AEBP2: variants seen among roughly 807,000 people sequenced by gnomAD.
The protein encoded by AEBP2 is AE binding protein 2.
In AEBP2, 10 loss-of-function variants were observed where a neutral mutation model predicts 50.8. The ratio of observed to expected loss-of-function variants is 0.20; its 90% confidence interval spans 0.12 to 0.33. The LOEUF (loss-of-function observed/expected upper bound fraction) is 0.33. Ranked by LOEUF, AEBP2 falls within the 10% of genes least tolerant of loss-of-function variation. AEBP2 has a pLI of 1.00. For missense variants in AEBP2, 570 were observed against 688.0 expected, an observed-to-expected ratio of 0.83 and a Z score of 1.92; for synonymous variants, 296 against 261.3, an observed-to-expected ratio of 1.13 and a Z score of -1.28.
At chr12:19,426,085 A>C (rs1471922852) in intron 1 of AEBP2, among the ~76,000 whole-genome samples, 2 of 151,992 alleles carry the variant, frequency 1.3e-5, no homozygotes, top group African/African-American at 2.4e-5. Flanking sequence ...ACAGGCGTGC[A>C]CCACCACAAC....
Position 19,520,420 on chromosome 12 carries a change from A to G in AEBP2, c.*2303A>G, listed in dbSNP as rs540813018. On this transcript the variant is annotated 3_prime_UTR_variant, in exon 8 of 8. Coordinates refer to ENST00000266508, the MANE Select transcript of AEBP2 (RefSeq NM_153207.5). Reference sequence around the variant, plus strand: ...TCATAATCCTTTTGCTGCTTATCTGATGTTGGTTTGATACTGTTAACACAC... The same window carrying G: ...TCATAATCCTTTTGCTGCTTATCTGGTGTTGGTTTGATACTGTTAACACAC... 35 of 152,272 alleles carry G rather than the reference A, an allele frequency of 2.3e-4. No homozygotes were observed. In the South Asian group the frequency reaches 2.7e-3, roughly 12 times the overall value. The allele number at this position is 152,272 out of a possible 1,614,324, so 9.4% of individuals were successfully genotyped here. A position where few individuals can be genotyped will look rare whatever the true frequency, so the allele number is the denominator to read the frequency against.
chr12:19,411,586 A>G (rs1187244755), intron 1 of AEBP2, among the ~76,000 whole-genome samples: 2 of 152,360 alleles, frequency 1.3e-5, no homozygotes, highest in African/African-American at 2.4e-5. Context: ...GAGTTAATCC[A>G]TGTAAAGTTC....
chr12:19,478,284 T>A (rs1948679865), intron 3 of AEBP2, among the ~76,000 whole-genome samples: 5 of 152,174 alleles, frequency 3.3e-5, no homozygotes, highest in Non-Finnish European at 7.4e-5. Context: ...GATTGCCTAT[T>A]TGTGACCTTT....
In AEBP2 at chr12:19,413,596, A is replaced by G. The variant is rs927323589; in HGVS notation, c.-17+9380A>G. On this transcript the variant is annotated intron_variant, in intron 1 of 3. Coordinates refer to the AEBP2 transcript ENST00000538425. ...TTGTTATGCAAAATAAAAAAAAAGA[A>G]ATAAAAGAATGGCTATTCCATAGAC... 36 of 594,286 alleles carry G rather than the reference A, an allele frequency of 6.1e-5. No individual in the cohort carries two copies. The African/African-American group carries it at 6.6e-4, about 11-fold the overall frequency. The allele number at this position is 594,286 out of a possible 1,614,324, so 36.8% of individuals were successfully genotyped here. A position where few individuals can be genotyped will look rare whatever the true frequency, so the allele number is the denominator to read the frequency against.
In AEBP2 at chr12:19,409,350, T is replaced by TA. The variant is rs11291593; in HGVS notation, c.-17+5149dup. On this transcript the variant is annotated intron_variant, in intron 1 of 3. Transcript: ENST00000538425. ...AACTTTCTGCCTTCAGCATTTGTGC[T>TA]AAAAAAAAAAAAAAATCCCTATTGC... Among the ~76,000 whole-genome samples, 1,228 of 147,202 alleles carry TA rather than the reference T, an allele frequency of 8.3e-3. 16 individuals are homozygous for TA. Among genetic ancestry groups the TA allele is most frequent in the African/African-American group, 0.027 (1,092 of 40,182 alleles).
At chr12:19,432,798 A>C (rs117602089) in intron 1 of AEBP2, among the ~76,000 whole-genome samples, 3,399 of 152,172 alleles carry the variant, frequency 0.022, 46 homozygotes, top group East Asian at 0.042. Flanking sequence ...AGAGGATTTG[A>C]CTTAGTGAGA....
chr12:19,470,405 C>G (rs147107300), intron 2 of AEBP2, among the ~76,000 whole-genome samples: 1 of 152,170 alleles, frequency 6.6e-6, no homozygotes, highest in Non-Finnish European at 1.5e-5. Context: ...GATCCACCCA[C>G]CTCGGCCTCC....
At chr12:19,456,536 A>T in intron 1 of AEBP2, 1 of 1,528,970 alleles carries the variant, frequency 6.5e-7, no homozygotes, top group Non-Finnish European at 9.0e-7. Context: ...ATGCAGTGTG[A>T]GCCGTGTGGC....
Position 19,467,589 on chromosome 12 carries a change from C to T in AEBP2, c.879+4872C>T, listed in dbSNP as rs182850350. Among the ~76,000 whole-genome samples the T allele has an allele frequency of 9.2e-4, 140 of 152,292 alleles. 1 individual carries two copies. The highest frequency in any genetic ancestry group is 2.6e-3 in the Admixed American group (40 of 15,296). On this transcript the variant is annotated intron_variant, in intron 2 of 7. Transcript: ENST00000266508. The stretch of plus-strand genomic sequence containing the variant: ...GATTACAGGCCTGAGCCACCGTGCC[C>T]GGCCTAGGTCCGTACGTCTATGTGT...
intron 1 of AEBP2, among the ~76,000 whole-genome samples, chr12:19,446,215 T>C (rs1948062703): frequency 6.6e-6 from 1 of 152,246 alleles, no homozygotes; most frequent in African/African-American, 2.4e-5. Flanking sequence ...CATTTAGTGA[T>C]AAGAAACATG....
chr12:19,449,371 A>C (rs933704730), intron 1 of AEBP2, among the ~76,000 whole-genome samples: 2 of 152,148 alleles, frequency 1.3e-5, no homozygotes, highest in African/African-American at 4.8e-5. Flanking sequence ...GAATGTTTCT[A>C]GTGTTTGTGA....
chr12:19,495,331 C>A (rs1014203447), intron 4 of AEBP2, among the ~76,000 whole-genome samples: 5 of 152,132 alleles, frequency 3.3e-5, no homozygotes, highest in Non-Finnish European at 5.9e-5. Context: ...TGTACTTTAC[C>A]CTTTTTCTCT....
At chr12:19,463,285 A>G (rs1246323641) in intron 2 of AEBP2, among the ~76,000 whole-genome samples, 1 of 152,244 alleles carries the variant, frequency 6.6e-6, no homozygotes, top group Non-Finnish European at 1.5e-5. Flanking sequence ...GTGTCAGTTC[A>G]TGTAACTTCT....
chr12:19,413,182 AAAGCACAGGG>A, intron 1 of AEBP2: 1 of 761,888 alleles, frequency 1.3e-6, no homozygotes. Flanking sequence ...AACAGGAAGC[AAAGCACAGGG>A]AAGCAGAAAT....
Position 19,481,092 on chromosome 12 carries a change from C to CTTTTTTTTTT in AEBP2, c.987+7754_987+7763dup, listed in dbSNP as rs71067027. On this transcript the variant is annotated intron_variant, in intron 3 of 7. Transcript: ENST00000266508. ...TGTTATTGAAACTTTGCAGTGCATC[C>CTTTTTTTTTT]TTTTTTTTTTTTTTTTTTTTTTTTT... Among the ~76,000 whole-genome samples, 7 of 74,054 alleles carry CTTTTTTTTTT rather than the reference C, an allele frequency of 9.5e-5. 2 individuals are homozygous for CTTTTTTTTTT. Among genetic ancestry groups the CTTTTTTTTTT allele is most frequent in the African/African-American group, 2.3e-4 (4 of 17,580 alleles). 48.6% of individuals were successfully genotyped at this position (74,054 alleles called of 152,430 possible).
chr12:19,492,689 G>A (rs1293791774), intron 3 of AEBP2, among the ~76,000 whole-genome samples: 1 of 152,112 alleles, frequency 6.6e-6, no homozygotes, highest in Non-Finnish European at 1.5e-5. Context: ...AATTTACAAA[G>A]ACAAGGCAGG....
chr12:19,500,726 TC>T lies in AEBP2; in HGVS notation c.1299+507del, dbSNP rs548736026. 2.5e-3 allele frequency among the ~76,000 whole-genome samples: 382 copies of T among 152,350 alleles called. 2 individuals are homozygous for T. Among genetic ancestry groups the T allele is most frequent in the African/African-American group, 7.1e-3 (297 of 41,578 alleles). On this transcript the variant is annotated intron_variant, in intron 5 of 7. Transcript: ENST00000266508. ...AGGAAAGGATTTTAGTCTCTTTTGT[TC>T]CACTCATCTATCCCAAGTGCCTAGA...
At chr12:19,452,358 C>G (rs1487207291) in intron 1 of AEBP2, among the ~76,000 whole-genome samples, 1 of 152,172 alleles carries the variant, frequency 6.6e-6, no homozygotes, top group Non-Finnish European at 1.5e-5. Flanking sequence ...GGATATATAG[C>G]AAATGCTGTG....
At chr12:19,466,202 C>G (rs1592741184) in intron 2 of AEBP2, among the ~76,000 whole-genome samples, 2 of 152,094 alleles carry the variant, frequency 1.3e-5, no homozygotes, top group East Asian at 3.9e-4. Context: ...TTCGGCTGGT[C>G]ACAGTAATCC....
Sources: gnomAD v4.1 joint callset for allele counts (sites outside exome capture counted in the v4.1 genomes callset) on GRCh38, gnomAD v4.1.1 for gene constraint, MANE v1.5 for transcripts, NCBI Gene and HGNC (gene_info 2026-07-23, HGNC 2026-07-21) for gene names.